Variants in GSE1 observed in about 807,000 individuals in gnomAD.
The protein encoded by GSE1 is Gse1 coiled-coil protein.
Under a neutral mutation model 112.6 loss-of-function variants are expected in GSE1, and 32 were observed. That is an observed-to-expected ratio of 0.28 (90% CI 0.21 to 0.38). The LOEUF is 0.38. Ranked by LOEUF, GSE1 falls within the 10% of genes least tolerant of loss-of-function variation. The probability of loss-of-function intolerance (pLI) is 1.00; values close to 1 mark genes in which losing one functional copy is unlikely to be tolerated. For synonymous variants in GSE1, 1,115 were observed against 735.6 expected (o/e 1.52, Z -8.35); for missense variants, 2,348 against 1,699.2 (o/e 1.38, Z -6.71).
chr16:85,555,105 G>A (rs1404209552), upstream of GSE1: 1 of 983,030 alleles, frequency 1.0e-6, no homozygotes, highest in African/African-American at 1.8e-5. Context: ...GACGGAAGGA[G>A]CCGCCGCCGC....
At chr16:85,338,934 C>G (rs1006978613) in intron 1 of GSE1, among the ~76,000 whole-genome samples, 5 of 152,172 alleles carry the variant, frequency 3.3e-5, no homozygotes, top group African/African-American at 1.2e-4. Context: ...TGGCCTGGCC[C>G]GCAGCAGGCA....
chr16:85,513,696 G>A (rs1287185961), intron 2 of GSE1, among the ~76,000 whole-genome samples: 6 of 152,032 alleles, frequency 3.9e-5, no homozygotes, highest in African/African-American at 1.4e-4. Context: ...AGCTCTCCTG[G>A]GCCCTGTACC....
chr16:85,264,958 C>T (rs60536813), intron 1 of GSE1, among the ~76,000 whole-genome samples: 18,185 of 152,186 alleles, frequency 0.12, 1,472 homozygotes, highest in African/African-American at 0.22. Flanking sequence ...GTTTTCTCCT[C>T]TGAGAAATGG....
chr16:85,449,151 G>A (rs1389852230), intron 2 of GSE1, among the ~76,000 whole-genome samples: 1 of 152,216 alleles, frequency 6.6e-6, no homozygotes. Context: ...CTGGGAGAAC[G>A]GAAGGCTGTT....
At chr16:85,425,564 T>G (rs2048957997) in intron 2 of GSE1, among the ~76,000 whole-genome samples, 1 of 152,194 alleles carries the variant, frequency 6.6e-6, no homozygotes, top group Non-Finnish European at 1.5e-5. Context: ...CGATGCACGC[T>G]TTGGCGGAGA....
rs13338082 is a variant in GSE1, at chr16:85,525,028, A to C, written c.2465-108886A>C. On this transcript the variant is annotated intron_variant, in intron 2 of 2. Transcript: ENST00000637419. ...CTCCCTGGGGTGATCCGGCCGTCTC[A>C]CTGGCTGCCCGCAGCCTCTGCTGCA... 9.3e-3 allele frequency among the ~76,000 whole-genome samples: 1,412 copies of C among 152,220 alleles called. 16 individuals are homozygous for C. Among genetic ancestry groups the C allele is most frequent in the African/African-American group, 0.032 (1,321 of 41,538 alleles).
At chr16:85,310,902 G>T (rs1033243697) in intron 1 of GSE1, among the ~76,000 whole-genome samples, 1 of 152,188 alleles carries the variant, frequency 6.6e-6, no homozygotes, top group Non-Finnish European at 1.5e-5. Context: ...CTGCTCAGGG[G>T]CTGGGGATGG....
intron 2 of GSE1, among the ~76,000 whole-genome samples, chr16:85,424,324 GC>G (rs2048918105): frequency 6.6e-6 from 1 of 152,220 alleles, no homozygotes; most frequent in Non-Finnish European, 1.5e-5. Flanking sequence ...CGGCAGGGTC[GC>G]CGCTTAAAAC....
At chr16:85,352,169 T>TC (rs569105469) in intron 1 of GSE1, among the ~76,000 whole-genome samples, 222 of 152,250 alleles carry the variant, frequency 1.5e-3, no homozygotes, top group African/African-American at 5.0e-3. Flanking sequence ...CACACCCTCC[T>TC]CCCCTGAGTC....
chr16:85,670,255 TTGTC>T (rs983284708), intron 14 of GSE1, among the ~76,000 whole-genome samples: 1 of 152,202 alleles, frequency 6.6e-6, no homozygotes, highest in Admixed American at 6.5e-5. Flanking sequence ...CCTTTTGAAT[TTGTC>T]TGATTGTCTT....
chr16:85,430,894 A>T (rs561627731), intron 2 of GSE1, among the ~76,000 whole-genome samples: 1 of 152,316 alleles, frequency 6.6e-6, no homozygotes, highest in African/African-American at 2.4e-5. Context: ...GGTCAGCGTG[A>T]GGCCTGGGAG....
intron 1 of GSE1, among the ~76,000 whole-genome samples, chr16:85,236,324 A>G (rs1462610166): frequency 1.3e-5 from 2 of 152,170 alleles, no homozygotes; most frequent in Non-Finnish European, 2.9e-5. Flanking sequence ...TAAAAGTCAA[A>G]TAAGGATCTG....
chr16:85,281,929 G>T (rs887273064), intron 1 of GSE1, among the ~76,000 whole-genome samples: 1 of 152,166 alleles, frequency 6.6e-6, no homozygotes, highest in South Asian at 2.1e-4. Flanking sequence ...CAGTCCCCAG[G>T]TTTGCCACCC....
At chr16:85,659,052 G>C (rs762171164) in intron 8 of GSE1, among the ~76,000 whole-genome samples, 1 of 152,242 alleles carries the variant, frequency 6.6e-6, no homozygotes, top group East Asian at 1.9e-4. Flanking sequence ...TTGGTGTGGC[G>C]CATGAAATAT....
chr16:85,540,058 A>G (rs2044468825), intron 2 of GSE1, among the ~76,000 whole-genome samples: 1 of 152,200 alleles, frequency 6.6e-6, no homozygotes, highest in African/African-American at 2.4e-5. Flanking sequence ...CAGCTTCCAA[A>G]GTCACTGCAG....
At chr16:85,278,194 C>G (rs74489825) in intron 1 of GSE1, among the ~76,000 whole-genome samples, 2,636 of 152,314 alleles carry the variant, frequency 0.017, 77 homozygotes, top group African/African-American at 0.061. Context: ...TGGACTCACC[C>G]TCCTGCAGCG....
At chr16:85,500,606 G>A (rs1056321085) in intron 2 of GSE1, among the ~76,000 whole-genome samples, 3 of 152,200 alleles carry the variant, frequency 2.0e-5, no homozygotes, top group African/African-American at 7.2e-5. Context: ...ACCCGAGTGG[G>A]GTGTGCCAGG....
intron 1 of GSE1, among the ~76,000 whole-genome samples, chr16:85,615,470 A>C (rs2151581385): frequency 6.6e-6 from 1 of 152,178 alleles, no homozygotes; most frequent in Non-Finnish European, 1.5e-5. Context: ...CAGGAGGGGA[A>C]GCTGGGGAAG....
chr16:85,564,959 T>G (rs74031842), intron 1 of GSE1, among the ~76,000 whole-genome samples: 2,045 of 151,956 alleles, frequency 0.013, 36 homozygotes, highest in African/African-American at 0.046. Flanking sequence ...GGGGAGAGTG[T>G]GGCCAGGGGA....
Sources: gnomAD v4.1 joint callset for allele counts (sites outside exome capture counted in the v4.1 genomes callset) on GRCh38, gnomAD v4.1.1 for gene constraint, MANE v1.5 for transcripts, NCBI Gene and HGNC (gene_info 2026-07-23, HGNC 2026-07-21) for gene names.